EPB41L3: variants seen among roughly 807,000 people sequenced by gnomAD.
The protein encoded by EPB41L3 is erythrocyte membrane protein band 4.1 like 3, also known as band 4.1-like protein 3.
EPB41L3 carries 57 observed loss-of-function variants against 127.1 expected under a neutral mutation model. That is an observed-to-expected ratio of 0.45 (90% CI 0.36 to 0.56). The LOEUF (loss-of-function observed/expected upper bound fraction) is 0.56, where lower values mean the gene tolerates loss of function less well. Among genes scored for constraint, EPB41L3 ranks in the 20% least tolerant of loss-of-function variants. The pLI, the probability that EPB41L3 is intolerant of heterozygous loss-of-function variation, is 0.00. For synonymous variants in EPB41L3, 572 were observed against 549.5 expected, an observed-to-expected ratio of 1.04 and a Z score of -0.57; for missense variants, 1,273 against 1,372.2, an observed-to-expected ratio of 0.93 and a Z score of 1.14.
chr18:5,496,190 C>A (rs368675871), intron 1 of EPB41L3, among the ~76,000 whole-genome samples: 2 of 152,136 alleles, frequency 1.3e-5, no homozygotes, highest in African/African-American at 4.8e-5. Context: ...ATCTTCTATG[C>A]GTGAGCAGAA....
intron 12 of EPB41L3, among the ~76,000 whole-genome samples, chr18:5,416,814 A>C (rs1490514464): frequency 6.6e-6 from 1 of 152,152 alleles, no homozygotes; most frequent in Non-Finnish European, 1.5e-5. Context: ...GTTCAGCTAG[A>C]TTAAAAATGA....
In EPB41L3 at chr18:5,397,327, C is replaced by A. The variant is rs200113280; in HGVS notation, c.2572G>T (p.Val858Leu). 1.2e-6 allele frequency: 2 copies of A among 1,614,078 alleles called. No individual in the cohort carries two copies. Among genetic ancestry groups the A allele is most frequent in the South Asian group, 1.1e-5 (1 of 91,090 alleles). Reference protein sequence around the residue: ...TEKVVQETVLVEERRVVHASG... With the variant: ...TEKVVQETVLLEERRVVHASG... ...GCGTGCACCACACGCCGCTCCTCCA[C>A]CAACACGGTCTCCTGCACCACCTTC... is the stretch of plus-strand genomic sequence containing the variant. Residue 858 changes from valine (V) to leucine (L), a missense_variant, in exon 18 of 23, where the codon GTG becomes TTG. Physicochemically the swap from Val to Leu is conservative, Grantham distance 32. This residue lies in a region of EPB41L3 where 765 missense variants were observed against 782.9 expected (regional missense o/e 0.98). Coordinates refer to ENST00000341928, the MANE Select transcript of EPB41L3 (RefSeq NM_012307.5). This position sits in a 1 kb window ranked among gnomAD's most constrained non-coding sequence, Gnocchi z 4.1.
chr18:5,483,192 G>A (rs924786604), intron 2 of EPB41L3, among the ~76,000 whole-genome samples: 3 of 152,052 alleles, frequency 2.0e-5, no homozygotes, highest in South Asian at 2.1e-4. Flanking sequence ...GTGTATGTGC[G>A]TGCATGTGTG....
intron 1 of EPB41L3, among the ~76,000 whole-genome samples, chr18:5,510,872 T>C (rs1423794244): frequency 6.6e-6 from 1 of 152,182 alleles, no homozygotes; most frequent in Admixed American, 6.5e-5. Flanking sequence ...TCAATATTTT[T>C]ACCTTAAAAG....
intron 16 of EPB41L3, among the ~76,000 whole-genome samples, chr18:5,406,439 A>C (rs2075396798): frequency 6.6e-6 from 1 of 152,172 alleles, no homozygotes. Flanking sequence ...GCAAAAGTAG[A>C]AAGCATATGC....
chr18:5,448,755 C>G (rs1403967979), intron 3 of EPB41L3, among the ~76,000 whole-genome samples: 1 of 152,136 alleles, frequency 6.6e-6, no homozygotes, highest in East Asian at 1.9e-4. Flanking sequence ...GATATCATCC[C>G]CAAAATGTGA....
chr18:5,583,702 G>A (rs1434417579), intron 3 of EPB41L3, among the ~76,000 whole-genome samples: 2 of 152,092 alleles, frequency 1.3e-5, no homozygotes, highest in East Asian at 1.9e-4. Flanking sequence ...TAAATTGATG[G>A]GGTAATCATA....
At chr18:5,510,461 G>C (rs1477485948) in intron 1 of EPB41L3, among the ~76,000 whole-genome samples, 1 of 152,210 alleles carries the variant, frequency 6.6e-6, no homozygotes, top group Non-Finnish European at 1.5e-5. Context: ...GTAGGAGACT[G>C]ACAGGCAGGG....
At chr18:5,407,642 A>G in intron 15 of EPB41L3, 59 bp downstream of exon 15, 1 of 1,552,682 alleles carries the variant, frequency 6.4e-7, no homozygotes. Flanking sequence ...ACAAACAATG[A>G]CTTATCACAC....
intron 3 of EPB41L3, among the ~76,000 whole-genome samples, chr18:5,594,139 A>G (rs1367664471): frequency 2.0e-5 from 3 of 152,210 alleles, no homozygotes; most frequent in African/African-American, 7.2e-5. Flanking sequence ...TGTCCATGAA[A>G]TCTTCACAAT....
chr18:5,433,622 A>T lies in EPB41L3; in HGVS notation c.825-66T>A, dbSNP rs537840573. 2.2e-6 allele frequency: 3 copies of T among 1,382,574 alleles called. No individual in the cohort carries two copies. The African/African-American group carries it at 4.3e-5, about 20-fold the overall frequency. The allele number at this position is 1,382,574 out of a possible 1,614,324, so 85.6% of individuals were successfully genotyped here. A position where few individuals can be genotyped will look rare whatever the true frequency, so the allele number is the denominator to read the frequency against. ...TCCCTGGTAGGCTGCAATATTTCCC[A>T]CTTAGTTCCATGCTATCTCATAAGA... is the stretch of plus-strand genomic sequence containing the variant. On this transcript the variant is annotated intron_variant, in intron 7 of 22. Transcript: ENST00000341928.
chr18:5,468,930 AAAACAAACAAAC>A (rs139365871), intron 3 of EPB41L3, among the ~76,000 whole-genome samples: 1 of 79,004 alleles, frequency 1.3e-5, no homozygotes, highest in Non-Finnish European at 3.3e-5. Flanking sequence ...CAAAAAACAA[AAAACAAACAAAC>A]AAACAAACAA....
intron 11 of EPB41L3, among the ~76,000 whole-genome samples, chr18:5,422,157 C>G (rs1485145404): frequency 6.6e-6 from 1 of 152,008 alleles, no homozygotes; most frequent in Admixed American, 6.6e-5. Context: ...TGTCAACCAC[C>G]GCAGAGACAG....
chr18:5,607,716 C>T (rs957803365), intron 3 of EPB41L3, among the ~76,000 whole-genome samples: 1 of 152,176 alleles, frequency 6.6e-6, no homozygotes, highest in Non-Finnish European at 1.5e-5. Flanking sequence ...AAGTTCTTCA[C>T]TTATCTAGAG....
intron 3 of EPB41L3, among the ~76,000 whole-genome samples, chr18:5,605,945 A>G (rs2094646885): frequency 1.3e-5 from 2 of 152,280 alleles, no homozygotes; most frequent in Admixed American, 1.3e-4. Context: ...AAGGAGGAGG[A>G]TGAAAAAAAT....
At chr18:5,527,082 G>T (rs2093249391) in intron 1 of EPB41L3, among the ~76,000 whole-genome samples, 2 of 151,774 alleles carry the variant, frequency 1.3e-5, no homozygotes, top group Admixed American at 1.3e-4. Context: ...AGGCCAGATG[G>T]TATATCAGGG....
At chr18:5,492,322 A>C (rs1441271925) in intron 1 of EPB41L3, among the ~76,000 whole-genome samples, 1 of 146,730 alleles carries the variant, frequency 6.8e-6, no homozygotes, top group Non-Finnish European at 1.5e-5. Flanking sequence ...TCGGTCTCAA[A>C]AAAATAAATA....
intron 1 of EPB41L3, among the ~76,000 whole-genome samples, chr18:5,489,649 C>T (rs893211679): frequency 1.9e-4 from 29 of 152,186 alleles, no homozygotes; most frequent in African/African-American, 5.3e-4. Context: ...CCTCCCAACC[C>T]CCTGAATCTA....
At chr18:5,529,559 C>T (rs951618584) in intron 1 of EPB41L3, among the ~76,000 whole-genome samples, 12 of 152,146 alleles carry the variant, frequency 7.9e-5, no homozygotes, top group Admixed American at 2.6e-4. Context: ...CTCCTCATGG[C>T]GAACTCACCA....
Sources: allele counts gnomAD v4.1 joint callset (sites outside exome capture counted in the v4.1 genomes callset), GRCh38; gene constraint gnomAD v4.1.1; regional missense constraint gnomAD v4.1.1; non-coding constraint Gnocchi (gnomAD v3.1); transcripts MANE v1.5; gene names NCBI Gene and HGNC (gene_info 2026-07-23, HGNC 2026-07-21).